The following CUX2 variants were observed in gnomAD, a reference collection of about 807,000 sequenced individuals.
CUX2 encodes the protein homeobox protein cut-like 2.
In CUX2, 40 loss-of-function variants were observed where a neutral mutation model predicts 144.8. The observed-to-expected ratio is 0.28, with a 90% CI of 0.21 to 0.36. CUX2 has a LOEUF of 0.36. CUX2 is among the 10% of genes least tolerant of loss of function. The pLI, the probability that CUX2 is intolerant of heterozygous loss-of-function variation, is 1.00. For synonymous variants in CUX2, 827 were observed against 875.6 expected, an observed-to-expected ratio of 0.94 and a Z score of 0.98; for missense variants, 1,615 against 1,994.0, an observed-to-expected ratio of 0.81 and a Z score of 3.62.
In CUX2 at chr12:111,034,866, C is replaced by CGCCGCCGCCGCCAGA. The variant is rs1011719690; in HGVS notation, c.63+639_63+653dup. Among the ~76,000 whole-genome samples the CGCCGCCGCCGCCAGA allele has an allele frequency of 1.3e-5, 2 of 149,122 alleles. No homozygotes were observed. The highest frequency in any genetic ancestry group is 3.0e-5 in the Non-Finnish European group (2 of 66,994). Reference sequence around the variant, plus strand: ...GGACGCGCCGCCACCCGGGGGCCGCCGCCGCCGCCGCCAGAGCCGCCGCCG... The same window carrying CGCCGCCGCCGCCAGA: ...GGACGCGCCGCCACCCGGGGGCCGCCGCCGCCGCCGCCAGAGCCGCCGCCGCCAGAGCCGCCGCCG... On this transcript the variant is annotated intron_variant, in intron 1 of 21. Coordinates refer to ENST00000261726, the MANE Select transcript of CUX2 (RefSeq NM_015267.4). This position sits in a 1 kb window ranked among gnomAD's most constrained non-coding sequence, Gnocchi z 4.2.
Position 111,076,224 on chromosome 12 carries a change from G to A in CUX2, c.63+41984G>A, listed in dbSNP as rs185905077. ...CCTCAGGCTGGGATGTGCAGTTGAGGAGGATGCTAATCCACCACCACTGAC... is the reference window on the plus strand; with the variant it reads ...CCTCAGGCTGGGATGTGCAGTTGAGAAGGATGCTAATCCACCACCACTGAC... On this transcript the variant is annotated intron_variant, in intron 1 of 21. Transcript: ENST00000261726. 4.6e-5 allele frequency among the ~76,000 whole-genome samples: 7 copies of A among 152,308 alleles called. No homozygotes were observed. In the East Asian group the frequency reaches 1.3e-3, roughly 29 times the overall value.
chr12:111,139,620 C>A (rs908993875), intron 1 of CUX2, among the ~76,000 whole-genome samples: 1 of 152,230 alleles, frequency 6.6e-6, no homozygotes, highest in Admixed American at 6.5e-5. Context: ...AGCTGCTATT[C>A]TTCCTTGGGA....
At chr12:111,236,018 C>T (rs1410532626) in intron 3 of CUX2, among the ~76,000 whole-genome samples, 1 of 152,162 alleles carries the variant, frequency 6.6e-6, no homozygotes, top group African/African-American at 2.4e-5. Flanking sequence ...AGGTCTGCCT[C>T]TCGTCAGCCA....
chr12:111,194,138 T>C (rs1475681805), intron 1 of CUX2, among the ~76,000 whole-genome samples: 1 of 152,124 alleles, frequency 6.6e-6, no homozygotes, highest in East Asian at 1.9e-4. Flanking sequence ...AGCCAGACTC[T>C]TTGTCTTGAA....
At chr12:111,229,302 C>T (rs1230601965) in intron 3 of CUX2, among the ~76,000 whole-genome samples, 2 of 152,154 alleles carry the variant, frequency 1.3e-5, no homozygotes, top group East Asian at 1.9e-4. Context: ...CCTGAAGCAA[C>T]ACCCCCAAAT....
chr12:111,121,369 C>CTTTTTTTTTTTTTTTTTTTTTTTTT (rs5800920), intron 1 of CUX2, among the ~76,000 whole-genome samples: 10 of 59,034 alleles, frequency 1.7e-4, no homozygotes, highest in African/African-American at 2.2e-4. Flanking sequence ...TTTCTTTTTT[C>CTTTTTTTTTTTTTTTTTTTTTTTTT]TTTTTTTTTT....
At chr12:111,336,460 T>G (rs532181232) in intron 19 of CUX2, among the ~76,000 whole-genome samples, 7 of 130,742 alleles carry the variant, frequency 5.4e-5, no homozygotes, top group African/African-American at 2.2e-4. Flanking sequence ...GTGTGTGTGT[T>G]TAAGATGGAG....
chr12:111,045,435 C>T (rs944564884), intron 1 of CUX2, among the ~76,000 whole-genome samples: 1 of 152,194 alleles, frequency 6.6e-6, no homozygotes, highest in Non-Finnish European at 1.5e-5. Flanking sequence ...GTCCTGCCCT[C>T]ATAAAGCTTC....
intron 9 of CUX2, among the ~76,000 whole-genome samples, chr12:111,302,925 A>G (rs1886365185): frequency 6.7e-6 from 1 of 148,866 alleles, no homozygotes; most frequent in Non-Finnish European, 1.5e-5. Context: ...AAAAGAAAAG[A>G]AAAAGAAATC....
At chr12:111,201,779 T>C (rs990281694) in intron 1 of CUX2, among the ~76,000 whole-genome samples, 2 of 152,014 alleles carry the variant, frequency 1.3e-5, no homozygotes, top group East Asian at 3.9e-4. Flanking sequence ...CTCCCAACCT[T>C]GAAAAAGAGG....
chr12:111,301,110 T>A (rs928585478), intron 9 of CUX2, among the ~76,000 whole-genome samples: 1 of 151,474 alleles, frequency 6.6e-6, no homozygotes, highest in Non-Finnish European at 1.5e-5. Flanking sequence ...TTTTCCTGAG[T>A]CCAAAACTAA....
intron 8 of CUX2, 86 bp downstream of exon 8, chr12:111,296,625 C>A: frequency 2.4e-6 from 3 of 1,266,062 alleles, no homozygotes; most frequent in East Asian, 2.5e-5. Context: ...TACTTGCCTC[C>A]TCCCTCTGAC....
At chr12:111,199,745 T>C (rs1435005346) in intron 1 of CUX2, among the ~76,000 whole-genome samples, 1 of 152,188 alleles carries the variant, frequency 6.6e-6, no homozygotes, top group African/African-American at 2.4e-5. Context: ...TATGTGTCTC[T>C]GTGTCCCGGC....
intron 10 of CUX2, among the ~76,000 whole-genome samples, chr12:111,305,458 C>T (rs1886528334): frequency 6.6e-6 from 1 of 152,106 alleles, no homozygotes; most frequent in Non-Finnish European, 1.5e-5. Context: ...GACCTTTGGG[C>T]AACTGACTGT....
intron 1 of CUX2, among the ~76,000 whole-genome samples, chr12:111,177,476 T>C (rs140877832): frequency 1.4e-3 from 210 of 152,272 alleles, no homozygotes; most frequent in African/African-American, 5.0e-3. Flanking sequence ...CTGCAGCCTC[T>C]ACCTTCCAGG....
Position 111,034,248 on chromosome 12 carries a change from C to T in CUX2, c.63+8C>T, listed in dbSNP as rs1176213477. 1 of 1,350,682 alleles carries T rather than the reference C, an allele frequency of 7.4e-7. No homozygotes were observed. Among genetic ancestry groups the T allele is most frequent in the South Asian group, 1.2e-5 (1 of 82,380 alleles). 83.7% of individuals were successfully genotyped at this position (1,350,682 alleles called of 1,614,324 possible). On this transcript the variant is annotated splice_region_variant and intron_variant, in intron 1 of 21. Transcript: ENST00000261726. This position sits in a 1 kb window ranked among gnomAD's most constrained non-coding sequence, Gnocchi z 4.2. ...GATCTACGGCGACTCCAGGTTAGTG[C>T]GGGCAGCGCCGGCCGCGCGGCCGTG...
At chr12:111,205,406 A>G (rs1372062156) in intron 1 of CUX2, among the ~76,000 whole-genome samples, 1 of 152,044 alleles carries the variant, frequency 6.6e-6, no homozygotes, top group Non-Finnish European at 1.5e-5. Flanking sequence ...GCTCCCACAA[A>G]GTTGTCCCTC....
intron 4 of CUX2, among the ~76,000 whole-genome samples, chr12:111,279,297 A>G (rs1186482351): frequency 2.6e-5 from 4 of 152,174 alleles, no homozygotes; most frequent in African/African-American, 9.7e-5. Context: ...CTTCCTTCCT[A>G]TGAGACTTGG....
intron 1 of CUX2, among the ~76,000 whole-genome samples, chr12:111,187,589 C>T (rs1158857642): frequency 6.6e-6 from 1 of 152,218 alleles, no homozygotes. Flanking sequence ...GGTACCCTGG[C>T]CTTGGGGCCT....
Sources: allele counts gnomAD v4.1 joint callset (sites outside exome capture counted in the v4.1 genomes callset), GRCh38; gene constraint gnomAD v4.1.1; non-coding constraint Gnocchi (gnomAD v3.1); transcripts MANE v1.5; gene names NCBI Gene and HGNC (gene_info 2026-07-23, HGNC 2026-07-21).